The following FIBCD1 variants were observed in gnomAD, a reference collection of about 807,000 sequenced individuals.
FIBCD1 encodes the protein fibrinogen C domain-containing protein 1.
Under a neutral mutation model 45.1 loss-of-function variants are expected in FIBCD1, and 47 were observed. The ratio of observed to expected loss-of-function variants is 1.04; its 90% confidence interval spans 0.82 to 1.33. The LOEUF (loss-of-function observed/expected upper bound fraction) is 1.33. FIBCD1 is among the 40% of genes most tolerant of loss of function. The pLI is 0.00. For synonymous variants in FIBCD1, 313 were observed against 308.1 expected (o/e 1.02, Z -0.17); for missense variants, 653 against 682.2 (o/e 0.96, Z 0.48).
chr9:130,933,184 T>G (rs1832467194), intron 1 of FIBCD1, among the ~76,000 whole-genome samples: 1 of 152,190 alleles, frequency 6.6e-6, no homozygotes, highest in Non-Finnish European at 1.5e-5. Context: ...AGAATTAGTC[T>G]TCAGAGATCA....
chr9:130,910,126 G>A (rs1310404903), intron 5 of FIBCD1, among the ~76,000 whole-genome samples: 2 of 152,254 alleles, frequency 1.3e-5, no homozygotes, highest in Non-Finnish European at 1.5e-5. Flanking sequence ...TGGAGGGAGA[G>A]GCGCGAGCGG....
At position 130,922,402 on chromosome 9, in the gene FIBCD1, G is replaced by A. The variant is rs1832276778; in HGVS notation, c.849+1342C>T. Among the ~76,000 whole-genome samples the A allele has an allele frequency of 6.6e-6, 1 of 152,160 alleles. No individual in the cohort carries two copies. Among genetic ancestry groups the A allele is most frequent in the Non-Finnish European group, 1.5e-5 (1 of 68,032 alleles). On this transcript the variant is annotated intron_variant, in intron 4 of 6. Transcript: ENST00000372338. This position sits in a 1 kb window ranked among gnomAD's most constrained non-coding sequence, Gnocchi z 4.5. ...CACTTTCTTGTGCTTGCAGTTAAGA[G>A]GTCTAAGGATGTAGGTGGGCATCCC...
intron 1 of FIBCD1, among the ~76,000 whole-genome samples, chr9:130,934,604 T>C (rs893134012): frequency 5.6e-4 from 85 of 152,296 alleles, no homozygotes; most frequent in African/African-American, 2.0e-3. Flanking sequence ...AGATGTTTCC[T>C]ATAAGGGTCT....
In FIBCD1 at chr9:130,938,719, G is replaced by T. The variant is rs1350152093; in HGVS notation, c.-112C>A. The T allele has an allele frequency of 2.1e-5, 11 of 522,114 alleles. No individual in the cohort carries two copies. In the East Asian group the frequency reaches 7.8e-4, roughly 37 times the overall value. The allele number at this position is 522,114 out of a possible 1,614,324, so 32.3% of individuals were successfully genotyped here. ...GGCGCGCTCTGTCCGCCGGGTCCCC[G>T]CCTCTGTGCCCCGCGCCGGGGCGGC... is the stretch of plus-strand genomic sequence containing the variant. On this transcript the variant is annotated 5_prime_UTR_variant, in exon 1 of 7. Transcript: ENST00000372338.
At chr9:130,925,712 T>C (rs776565935) in intron 2 of FIBCD1, among the ~76,000 whole-genome samples, 24 of 152,162 alleles carry the variant, frequency 1.6e-4, no homozygotes, top group Non-Finnish European at 3.2e-4. Context: ...CTGAAGGGTC[T>C]GAGGTCTCTT....
chr9:130,904,184 C>G lies in FIBCD1; in HGVS notation c.1266G>C (p.Gln422His), dbSNP rs149395672. Reference sequence around the variant, plus strand: ...AGGAGGCGTGCGCACCGCGCAGGTACTGCCCATTGAGGTTGGACGTGTGGC... The same window carrying G: ...AGGAGGCGTGCGCACCGCGCAGGTAGTGCCCATTGAGGTTGGACGTGTGGC... ...RNCHTSNLNG[Q>H]YLRGAHASYA... The change falls in exon 7 of 7, where the codon CAG (glutamine) becomes CAC (histidine). Residue 422 changes from glutamine (Q) to histidine (H), a missense_variant. Physicochemically the swap from Gln to His is conservative, Grantham distance 24. Coordinates refer to ENST00000372338, the MANE Select transcript of FIBCD1 (RefSeq NM_032843.5). 6.2e-7 allele frequency: 1 copy of G among 1,613,794 alleles called. No individual in the cohort carries two copies. The highest frequency in any genetic ancestry group is 8.5e-7 in the Non-Finnish European group (1 of 1,180,016).
chr9:130,933,199 A>G (rs1371850119), intron 1 of FIBCD1, among the ~76,000 whole-genome samples: 1 of 152,234 alleles, frequency 6.6e-6, no homozygotes. Context: ...AGATCACCTT[A>G]AAGATGAAGT....
intron 6 of FIBCD1, 106 bp downstream of exon 6, chr9:130,905,128 G>A: frequency 8.8e-7 from 1 of 1,135,620 alleles, no homozygotes. Context: ...CTTTCAAAGG[G>A]GGAAAAATAC....
At chr9:130,920,410 C>T (rs1013424599) in intron 4 of FIBCD1, among the ~76,000 whole-genome samples, 2 of 152,204 alleles carry the variant, frequency 1.3e-5, no homozygotes, top group Non-Finnish European at 1.5e-5. Context: ...GACTTGTCCC[C>T]ATCTGCAGAG....
rs770116657 is a variant in FIBCD1 at position 130,924,267 on chromosome 9, G to A, written c.682C>T (p.Arg228Trp). The A allele has an allele frequency of 4.4e-5, 71 of 1,600,180 alleles. No homozygotes were observed. Among genetic ancestry groups the A allele is most frequent in the Middle Eastern group, 3.5e-4 (2 of 5,716 alleles). Residue 228 changes from arginine (R) to tryptophan (W), a missense_variant, in exon 3 of 7, where the codon CGG (arginine) becomes TGG (tryptophan). By Grantham distance (101) the Arg-to-Trp change is moderately radical. Coordinates refer to ENST00000372338, the MANE Select transcript of FIBCD1 (RefSeq NM_032843.5). Reference protein sequence around the residue: ...NKADLQRAPARGTRPRGCATG... With the variant: ...NKADLQRAPAWGTRPRGCATG... ...GCACAGCCCCGGGGCCGGGTTCCCC[G>A]GGCAGGCGCTCTCTGAAGGTCGGCC...
At chr9:130,913,715 G>A (rs554234262) in intron 4 of FIBCD1, among the ~76,000 whole-genome samples, 12 of 152,294 alleles carry the variant, frequency 7.9e-5, no homozygotes, top group South Asian at 4.2e-4. Context: ...CCCTGAGCAC[G>A]CACCTTTTCA....
upstream of FIBCD1, among the ~76,000 whole-genome samples, chr9:130,940,327 T>G (rs535912478): frequency 2.0e-5 from 3 of 152,248 alleles, no homozygotes; most frequent in Non-Finnish European, 4.4e-5. Flanking sequence ...CCAGCCGCCT[T>G]TTCCTTCCAG....
At chr9:130,908,747 G>A (rs1831981146) in intron 5 of FIBCD1, among the ~76,000 whole-genome samples, 1 of 152,160 alleles carries the variant, frequency 6.6e-6, no homozygotes. Flanking sequence ...GGGTCAGCAC[G>A]GGGTGTGGGC....
chr9:130,903,856 G>A lies in FIBCD1; in HGVS notation c.*208C>T. 1 of 673,492 alleles carries A rather than the reference G, an allele frequency of 1.5e-6. No homozygotes were observed. The allele number at this position is 673,492 out of a possible 1,614,324, so 41.7% of individuals were successfully genotyped here. On this transcript the variant is annotated 3_prime_UTR_variant, in exon 7 of 7. Coordinates refer to ENST00000372338, the MANE Select transcript of FIBCD1 (RefSeq NM_032843.5). ...ATCAGCAGAGGCAAGAGATCAGTGA[G>A]CTGCCAAATGGAGGGGGTGGGGACG...
intron 4 of FIBCD1, among the ~76,000 whole-genome samples, chr9:130,917,112 C>A (rs1267054141): frequency 6.6e-6 from 1 of 152,032 alleles, no homozygotes; most frequent in Non-Finnish European, 1.5e-5. Flanking sequence ...CAAAACAAAA[C>A]AAAATGGAGG....
intron 2 of FIBCD1, among the ~76,000 whole-genome samples, chr9:130,925,614 A>AC (rs1335348056): frequency 6.6e-6 from 1 of 151,262 alleles, no homozygotes; most frequent in Non-Finnish European, 1.5e-5. Context: ...TCCATCCTTC[A>AC]CCCCCGCCCC....
intron 4 of FIBCD1, among the ~76,000 whole-genome samples, chr9:130,914,811 G>T (rs1043432341): frequency 2.6e-5 from 4 of 152,198 alleles, no homozygotes; most frequent in Non-Finnish European, 4.4e-5. Context: ...TCAGGATGTG[G>T]CAGGAGGGGC....
intron 2 of FIBCD1, among the ~76,000 whole-genome samples, chr9:130,927,103 C>G (rs765370550): frequency 2.6e-5 from 4 of 151,924 alleles, no homozygotes; most frequent in Non-Finnish European, 4.4e-5. Context: ...ATTAGCTAGA[C>G]ATGGTGGTGC....
intron 6 of FIBCD1, 65 bp downstream of exon 6, chr9:130,905,169 C>CTCCTCCG: frequency 6.8e-7 from 1 of 1,474,884 alleles, no homozygotes; most frequent in Admixed American, 2.0e-5. Flanking sequence ...AGGGCAGGAC[C>CTCCTCCG]TCCTCCGTCC....
Sources: gnomAD v4.1 joint callset for allele counts (sites outside exome capture counted in the v4.1 genomes callset) on GRCh38, gnomAD v4.1.1 for gene constraint, Gnocchi (gnomAD v3.1) non-coding constraint, MANE v1.5 for transcripts, NCBI Gene and HGNC (gene_info 2026-07-23, HGNC 2026-07-21) for gene names.